WDR59: variants seen among roughly 807,000 people sequenced by gnomAD.
WDR59 encodes the protein WD repeat domain 59.
Under a neutral mutation model 131.2 loss-of-function variants are expected in WDR59, and 100 were observed. That is an observed-to-expected ratio of 0.76 (90% confidence interval 0.65 to 0.90). The LOEUF is 0.90. Ranked by LOEUF, WDR59 falls within the 40% of genes least tolerant of loss-of-function variation. The probability of loss-of-function intolerance (pLI) is 0.00; values close to 1 mark genes in which losing one functional copy is unlikely to be tolerated. For missense variants in WDR59, 1,203 were observed against 1,262.2 expected (o/e 0.95, Z 0.71); for synonymous variants, 601 against 466.2 (o/e 1.29, Z -3.72).
At chr16:74,904,849 A>G (rs1965722169) in intron 17 of WDR59, among the ~76,000 whole-genome samples, 3 of 152,210 alleles carry the variant, frequency 2.0e-5, no homozygotes, top group Non-Finnish European at 4.4e-5. Context: ...GAAAGACCAC[A>G]AATATATGGT....
chr16:74,902,667 A>G (rs940182129), intron 18 of WDR59, among the ~76,000 whole-genome samples: 1 of 152,190 alleles, frequency 6.6e-6, no homozygotes, highest in South Asian at 2.1e-4. Context: ...TGGCCCTGAC[A>G]CTAAAGAAAA....
chr16:74,960,753 TAA>T lies in WDR59; in HGVS notation c.105-4145_105-4144del, dbSNP rs59914217. 5.2e-3 allele frequency among the ~76,000 whole-genome samples: 617 copies of T among 118,730 alleles called. 2 individuals carry two copies. Among genetic ancestry groups the T allele is most frequent in the Non-Finnish European group, 5.5e-3 (311 of 56,304 alleles). 77.9% of individuals were successfully genotyped at this position (118,730 alleles called of 152,430 possible). ...ACAGAGCAAGATTCCGTCTCAAAAATAAAAAAAAAAAAAAAAAGAGAGAGAGA... is the reference window on the plus strand; with the variant it reads ...ACAGAGCAAGATTCCGTCTCAAAAATAAAAAAAAAAAAAAAGAGAGAGAGA... On this transcript the variant is annotated intron_variant, in intron 2 of 25. Coordinates refer to ENST00000262144, the MANE Select transcript of WDR59 (RefSeq NM_030581.4).
chr16:74,929,018 G>GA (rs200149272), intron 8 of WDR59, among the ~76,000 whole-genome samples: 2,031 of 152,222 alleles, frequency 0.013, 26 homozygotes, highest in South Asian at 0.044. Flanking sequence ...AACTCAATAG[G>GA]AAAAAAATCT....
intron 2 of WDR59, among the ~76,000 whole-genome samples, chr16:74,958,616 A>AAAAAAAAAAAAAAAAAAAAAAAAAAG (rs2033417185): frequency 7.0e-6 from 1 of 142,406 alleles, no homozygotes; most frequent in Non-Finnish European, 1.5e-5. Flanking sequence ...AAAAAAAAAA[A>AAAAAAAAAAAAAAAAAAAAAAAAAAG]AAAACAAGCT....
At chr16:74,927,874 T>C (rs941678357) in intron 8 of WDR59, among the ~76,000 whole-genome samples, 4 of 151,538 alleles carry the variant, frequency 2.6e-5, no homozygotes, top group Non-Finnish European at 5.9e-5. Context: ...GTATCAAGGA[T>C]TCCTTTTTTT....
chr16:74,981,898 C>T (rs1299747416), intron 1 of WDR59, among the ~76,000 whole-genome samples: 3 of 136,064 alleles, frequency 2.2e-5, no homozygotes, highest in Non-Finnish European at 3.2e-5. Context: ...TCAGGTGATC[C>T]GCCTACCTCG....
At chr16:74,886,190 A>AAAAAAAAAAAAAAAAAT in intron 24 of WDR59, 80 bp downstream of exon 24, 11 of 1,448,700 alleles carry the variant, frequency 7.6e-6, no homozygotes, top group Admixed American at 2.1e-5. Context: ...AAAAAAAAAA[A>AAAAAAAAAAAAAAAAAT]GTAAGAGTTG....
At chr16:74,899,718 G>C in intron 18 of WDR59, 2 of 1,289,172 alleles carry the variant, frequency 1.6e-6, no homozygotes, top group East Asian at 5.5e-5. Context: ...TTAATTGCTT[G>C]TATGGACCAA....
intron 8 of WDR59, among the ~76,000 whole-genome samples, chr16:74,934,050 G>C (rs2031607674): frequency 6.6e-6 from 1 of 152,162 alleles, no homozygotes; most frequent in South Asian, 2.1e-4. Context: ...TAAAAGGAAT[G>C]ATACTCAAAA....
chr16:74,973,445 C>A (rs768909617), intron 1 of WDR59, among the ~76,000 whole-genome samples: 3 of 152,150 alleles, frequency 2.0e-5, no homozygotes, highest in Non-Finnish European at 4.4e-5. Flanking sequence ...AGCCACCATG[C>A]TCAGCTAAGT....
At position 74,909,635 on chromosome 16, in the gene WDR59, C is replaced by A; in HGVS notation, c.1508G>T (p.Ser503Ile). The change falls in exon 16 of 26, where the codon AGC becomes ATC. Residue 503 changes from serine (S) to isoleucine (I), a missense_variant. Ser to Ile is a moderately radical substitution (Grantham distance 142). Coordinates refer to ENST00000262144, the MANE Select transcript of WDR59 (RefSeq NM_030581.4). ...SFVNQEDSAS[S>I]NPFALPNSVT... ...AGAGTTGGGGAGTGCAAACGGGTTG[C>A]TGGAAGCGCTGTCTTCCTGGTTCTG... 2 of 1,583,804 alleles carry A rather than the reference C, an allele frequency of 1.3e-6. No individual in the cohort carries two copies. The highest frequency in any genetic ancestry group is 1.7e-6 in the Non-Finnish European group (2 of 1,167,996).
At chr16:74,944,901 A>C (rs2032499176) in intron 6 of WDR59, among the ~76,000 whole-genome samples, 1 of 150,950 alleles carries the variant, frequency 6.6e-6, no homozygotes, top group South Asian at 2.1e-4. Context: ...CGAGGCAGGT[A>C]GGCCACAAAG....
At chr16:74,984,381 G>A (rs1480713688) in intron 1 of WDR59, among the ~76,000 whole-genome samples, 2 of 152,132 alleles carry the variant, frequency 1.3e-5, no homozygotes, top group African/African-American at 4.8e-5. Context: ...GAAAACTGAC[G>A]TGTACGGAGT....
chr16:74,933,994 T>C (rs2031603285), intron 8 of WDR59, among the ~76,000 whole-genome samples: 1 of 152,176 alleles, frequency 6.6e-6, no homozygotes. Context: ...TACTTTTGGG[T>C]TTCCCACATG....
chr16:74,935,172 G>A (rs2031699319), intron 8 of WDR59, among the ~76,000 whole-genome samples: 1 of 152,002 alleles, frequency 6.6e-6, no homozygotes, highest in African/African-American at 2.4e-5. Context: ...AGAGGCTGCA[G>A]CGAGCCAAGA....
intron 7 of WDR59, among the ~76,000 whole-genome samples, chr16:74,938,476 C>T (rs940425353): frequency 3.9e-5 from 6 of 152,136 alleles, no homozygotes; most frequent in African/African-American, 9.7e-5. Flanking sequence ...TCTGAAAATG[C>T]GCCTGTGAGC....
At chr16:74,965,017 T>C (rs1401176795) in intron 2 of WDR59, among the ~76,000 whole-genome samples, 1 of 151,478 alleles carries the variant, frequency 6.6e-6, no homozygotes, top group African/African-American at 2.4e-5. Context: ...TGAGCCGAGA[T>C]CGCGCCACTG....
intron 25 of WDR59, among the ~76,000 whole-genome samples, chr16:74,875,580 T>G (rs185146557): frequency 8.2e-4 from 125 of 152,320 alleles, no homozygotes; most frequent in Non-Finnish European, 3.8e-4. Context: ...ACTAACCCAG[T>G]GCCCACCCGG....
At chr16:74,884,251 C>T (rs927064922) in intron 25 of WDR59, among the ~76,000 whole-genome samples, 6 of 152,356 alleles carry the variant, frequency 3.9e-5, no homozygotes, top group South Asian at 2.1e-4. Flanking sequence ...ATCCTTTCCT[C>T]GTAGGAAGGC....
Sources: allele counts gnomAD v4.1 joint callset (sites outside exome capture counted in the v4.1 genomes callset), GRCh38; gene constraint gnomAD v4.1.1; transcripts MANE v1.5; gene names NCBI Gene and HGNC (gene_info 2026-07-23, HGNC 2026-07-21).